The following PIP4K2A variants were observed in gnomAD, a reference collection of about 807,000 sequenced individuals.
PIP4K2A encodes the protein phosphatidylinositol-5-phosphate 4-kinase type 2 alpha, also known as phosphatidylinositol 5-phosphate 4-kinase type-2 alpha.
Under a neutral mutation model 42.9 loss-of-function variants are expected in PIP4K2A, and 14 were observed. The observed-to-expected ratio is 0.33, with a 90% CI of 0.22 to 0.51. The LOEUF (loss-of-function observed/expected upper bound fraction) is 0.51. Ranked by LOEUF, PIP4K2A falls within the 20% of genes least tolerant of loss-of-function variation. The pLI is 0.97. For missense variants in PIP4K2A, 434 were observed against 519.8 expected (o/e 0.83, Z 1.61); for synonymous variants, 192 against 192.2 (o/e 1.00, Z 0.01).
chr10:22,658,475 T>C (rs1035053091), intron 1 of PIP4K2A, among the ~76,000 whole-genome samples: 5 of 152,226 alleles, frequency 3.3e-5, no homozygotes, highest in Admixed American at 6.5e-5. Context: ...GTTAAACTGA[T>C]ACAAATAAAT....
chr10:22,659,696 T>C (rs909054177), intron 1 of PIP4K2A: 12 of 152,448 alleles, frequency 7.9e-5, no homozygotes, highest in Admixed American at 6.5e-4. Context: ...TAATCCCAGC[T>C]ACTCGGGAGG....
intron 1 of PIP4K2A, among the ~76,000 whole-genome samples, chr10:22,631,365 T>A (rs1248374978): frequency 6.6e-6 from 1 of 152,082 alleles, no homozygotes; most frequent in Non-Finnish European, 1.5e-5. Flanking sequence ...ATTAATGTCC[T>A]TTTAAGTACA....
chr10:22,676,992 G>A (rs1839572695), intron 1 of PIP4K2A, among the ~76,000 whole-genome samples: 1 of 152,168 alleles, frequency 6.6e-6, no homozygotes, highest in Non-Finnish European at 1.5e-5. Context: ...AGAAATAGGA[G>A]AAGAAAAAGC....
intron 4 of PIP4K2A, among the ~76,000 whole-genome samples, chr10:22,576,236 T>C (rs888917432): frequency 1.3e-5 from 2 of 152,220 alleles, no homozygotes; most frequent in African/African-American, 2.4e-5. Context: ...AAGGGCACAC[T>C]GCTGCATTTC....
chr10:22,558,865 G>A (rs1836617039), intron 6 of PIP4K2A, among the ~76,000 whole-genome samples: 1 of 152,118 alleles, frequency 6.6e-6, no homozygotes, highest in African/African-American at 2.4e-5. Context: ...TAACTGTTAG[G>A]GCTGGCAAGA....
intron 1 of PIP4K2A, among the ~76,000 whole-genome samples, chr10:22,704,606 T>C (rs941147421): frequency 6.9e-6 from 1 of 145,916 alleles, no homozygotes; most frequent in Admixed American, 6.9e-5. Context: ...TGAGCCATGA[T>C]TGCACCATGC....
At chr10:22,594,406 T>C (rs1330434348) in intron 3 of PIP4K2A, among the ~76,000 whole-genome samples, 2 of 152,222 alleles carry the variant, frequency 1.3e-5, no homozygotes, top group Non-Finnish European at 2.9e-5. Flanking sequence ...TTTTTATTTT[T>C]ATTTTTTGAG....
chr10:22,557,074 A>G (rs983227007), intron 6 of PIP4K2A, among the ~76,000 whole-genome samples: 2 of 152,204 alleles, frequency 1.3e-5, no homozygotes, highest in South Asian at 2.1e-4. Context: ...TCTCAACGGA[A>G]TTACTTACGC....
At chr10:22,614,179 C>CA (rs1838119256) in intron 1 of PIP4K2A, among the ~76,000 whole-genome samples, 1 of 152,138 alleles carries the variant, frequency 6.6e-6, no homozygotes, top group Non-Finnish European at 1.5e-5. Context: ...CCCCATCTTC[C>CA]AAAACCAGAC....
At chr10:22,594,869 G>A in intron 3 of PIP4K2A, among the ~76,000 whole-genome samples, 1 of 152,104 alleles carries the variant, frequency 6.6e-6, no homozygotes, top group South Asian at 2.1e-4. Context: ...TCTTCACCCT[G>A]GGATATAAAA....
At chr10:22,598,809 T>C (rs1837686873) in intron 3 of PIP4K2A, among the ~76,000 whole-genome samples, 1 of 152,230 alleles carries the variant, frequency 6.6e-6, no homozygotes, top group Non-Finnish European at 1.5e-5. Flanking sequence ...TGTCAGTTTG[T>C]AGAGACTTAG....
At chr10:22,612,188 G>A (rs1050590538) in intron 1 of PIP4K2A, among the ~76,000 whole-genome samples, 1 of 152,202 alleles carries the variant, frequency 6.6e-6, no homozygotes, top group Non-Finnish European at 1.5e-5. Context: ...AGTCCACTCT[G>A]TGCTGGGCAC....
chr10:22,622,677 A>G (rs747055770), intron 1 of PIP4K2A, among the ~76,000 whole-genome samples: 2 of 152,258 alleles, frequency 1.3e-5, no homozygotes, highest in Non-Finnish European at 2.9e-5. Context: ...TACCCGGGAC[A>G]AGTCGTCTGT....
rs571871339 is a variant in PIP4K2A at position 22,617,943 on chromosome 10, C to T, written c.145-8226G>A. On this transcript the variant is annotated intron_variant, in intron 1 of 9. Transcript: ENST00000376573. Reference sequence around the variant, plus strand: ...AATTCAATAACAAAAATAACCAGAGCGAGCTAAGCACAAAGGGTTCAAGAT... The same window carrying T: ...AATTCAATAACAAAAATAACCAGAGTGAGCTAAGCACAAAGGGTTCAAGAT... Among the ~76,000 whole-genome samples the T allele has an allele frequency of 1.4e-4, 22 of 152,168 alleles. No individual in the cohort carries two copies. In the South Asian group the frequency reaches 1.9e-3, roughly 13 times the overall value.
chr10:22,557,033 A>G (rs1564419420), intron 6 of PIP4K2A, among the ~76,000 whole-genome samples: 1 of 152,148 alleles, frequency 6.6e-6, no homozygotes, highest in East Asian at 1.9e-4. Flanking sequence ...GATAACCAAC[A>G]CACGCGTAAG....
At chr10:22,579,895 C>G (rs973053618) in intron 4 of PIP4K2A, among the ~76,000 whole-genome samples, 1 of 149,660 alleles carries the variant, frequency 6.7e-6, no homozygotes, top group Admixed American at 6.6e-5. Flanking sequence ...GGTGATAGAA[C>G]GAGACTTCGT....
chr10:22,685,157 G>T (rs1423111945), intron 1 of PIP4K2A, among the ~76,000 whole-genome samples: 1 of 151,972 alleles, frequency 6.6e-6, no homozygotes, highest in Non-Finnish European at 1.5e-5. Flanking sequence ...AAAGTTATGA[G>T]ATAAGAAGTA....
chr10:22,638,215 A>T (rs1838707972), intron 1 of PIP4K2A, among the ~76,000 whole-genome samples: 1 of 152,200 alleles, frequency 6.6e-6, no homozygotes, highest in East Asian at 1.9e-4. Flanking sequence ...TTTATAATGA[A>T]AATAAATATA....
rs115023048 is a variant in PIP4K2A at position 22,544,812 on chromosome 10, G to A, written c.793-2765C>T. On this transcript the variant is annotated intron_variant, in intron 7 of 9. Coordinates refer to ENST00000376573, the MANE Select transcript of PIP4K2A (RefSeq NM_005028.5). ...CCCCATCCACTTCTGGGGCCCACTT[G>A]AGCTCTGCTCTGCCCACTTCCTGGG... 1.9e-3 allele frequency among the ~76,000 whole-genome samples: 293 copies of A among 152,320 alleles called. 1 individual carries two copies. Among genetic ancestry groups the A allele is most frequent in the African/African-American group, 6.9e-3 (286 of 41,566 alleles).
Sources: allele counts gnomAD v4.1 joint callset (sites outside exome capture counted in the v4.1 genomes callset), GRCh38; gene constraint gnomAD v4.1.1; transcripts MANE v1.5; gene names NCBI Gene and HGNC (gene_info 2026-07-23, HGNC 2026-07-21).